The following RYR2 variants were observed in gnomAD, a reference collection of about 807,000 sequenced individuals.
RYR2 encodes cardiac muscle ryanodine receptor-calcium release channel.
RYR2 carries 227 observed loss-of-function variants against 601.1 expected under a neutral mutation model. The observed-to-expected ratio is 0.38, with a 90% confidence interval of 0.34 to 0.42. The LOEUF is 0.42. Among genes scored for constraint, RYR2 ranks in the 10% least tolerant of loss-of-function variants. RYR2 has a pLI of 1.00. For synonymous variants in RYR2, 2,223 were observed against 2,175.1 expected, an observed-to-expected ratio of 1.02 and a Z score of -0.61; for missense variants, 4,646 against 6,156.5, an observed-to-expected ratio of 0.75 and a Z score of 8.21.
intron 63 of RYR2, among the ~76,000 whole-genome samples, chr1:237,696,540 CT>C (rs55771611): frequency 5.6e-4 from 77 of 138,680 alleles, no homozygotes; most frequent in Middle Eastern, 3.8e-3. Flanking sequence ...GCACTGCAGA[CT>C]TTTTTTTTTT....
At chr1:237,744,884 C>T (rs1691942618) in intron 80 of RYR2, among the ~76,000 whole-genome samples, 1 of 151,068 alleles carries the variant, frequency 6.6e-6, no homozygotes. Context: ...GCAATCTCCA[C>T]CTCCTGGGTT....
chr1:237,734,509 G>A (rs532355372), intron 79 of RYR2, among the ~76,000 whole-genome samples: 19 of 152,318 alleles, frequency 1.2e-4, no homozygotes, highest in Admixed American at 1.1e-3. Flanking sequence ...ACTCTTAGGA[G>A]TATTGGGAAC....
chr1:237,734,263 G>A (rs986481660), intron 79 of RYR2, among the ~76,000 whole-genome samples: 15 of 152,152 alleles, frequency 9.9e-5, no homozygotes, highest in South Asian at 4.1e-4. Flanking sequence ...GGAAGGCAAA[G>A]GGGAAGTAAG....
intron 35 of RYR2, among the ~76,000 whole-genome samples, chr1:237,604,608 CT>C (rs1399311198): frequency 6.6e-6 from 1 of 152,016 alleles, no homozygotes; most frequent in Non-Finnish European, 1.5e-5. Flanking sequence ...ACAAAAAACC[CT>C]TCAAAAAATC....
chr1:237,530,890 A>C (rs1226953650), intron 25 of RYR2, among the ~76,000 whole-genome samples: 1 of 150,084 alleles, frequency 6.7e-6, no homozygotes, highest in Non-Finnish European at 1.5e-5. Context: ...AGCCTGGGCA[A>C]CAGAGTGAGA....
chr1:237,196,284 A>G (rs976608589), intron 1 of RYR2, among the ~76,000 whole-genome samples: 1 of 152,184 alleles, frequency 6.6e-6, no homozygotes, highest in African/African-American at 2.4e-5. Flanking sequence ...ATGGAAACAT[A>G]CTTGTCTGGC....
intron 10 of RYR2, among the ~76,000 whole-genome samples, chr1:237,402,927 C>A (rs892810492): frequency 4.2e-5 from 6 of 142,556 alleles, no homozygotes; most frequent in African/African-American, 1.3e-4. Context: ...TCCTTCCCCC[C>A]AAAAAAGATT....
intron 66 of RYR2, among the ~76,000 whole-genome samples, chr1:237,702,371 A>G (rs1406452890): frequency 6.6e-6 from 1 of 152,188 alleles, no homozygotes; most frequent in Non-Finnish European, 1.5e-5. Context: ...CAGAAATTCA[A>G]AGTAAACATG....
intron 80 of RYR2, among the ~76,000 whole-genome samples, chr1:237,753,864 A>C (rs1015059120): frequency 6.6e-6 from 1 of 152,156 alleles, no homozygotes; most frequent in African/African-American, 2.4e-5. Flanking sequence ...CAGTTTAAAA[A>C]ATTGTTTTTA....
intron 2 of RYR2, among the ~76,000 whole-genome samples, chr1:237,304,627 G>C (rs1013251851): frequency 1.3e-5 from 2 of 152,162 alleles, no homozygotes; most frequent in Admixed American, 1.3e-4. Context: ...GTTTTCAAAA[G>C]AAAGGTGGTG....
At chr1:237,177,151 T>G (rs552831034) in intron 1 of RYR2, among the ~76,000 whole-genome samples, 12 of 152,216 alleles carry the variant, frequency 7.9e-5, no homozygotes, top group Non-Finnish European at 7.3e-5. Flanking sequence ...GCTCTCTTGC[T>G]GGCAAAAATC....
At chr1:237,123,650 ATTTTTTTTTTTTT>A (rs869177997) in intron 1 of RYR2, among the ~76,000 whole-genome samples, 12 of 78,964 alleles carry the variant, frequency 1.5e-4, no homozygotes, top group Non-Finnish European at 2.5e-4. Context: ...ATCAGTCACT[ATTTTTTTTTTTTT>A]TTTTTTTTTT....
chr1:237,175,964 G>A (rs1256615753), intron 1 of RYR2, among the ~76,000 whole-genome samples: 3 of 152,130 alleles, frequency 2.0e-5, no homozygotes, highest in Non-Finnish European at 2.9e-5. Flanking sequence ...AGGCGCGGTG[G>A]CTCATGCCTG....
intron 1 of RYR2, among the ~76,000 whole-genome samples, chr1:237,252,478 C>T (rs868488694): frequency 3.3e-5 from 5 of 152,078 alleles, no homozygotes; most frequent in Non-Finnish European, 4.4e-5. Context: ...GCTTTTATCA[C>T]GAGCTGACAT....
intron 1 of RYR2, among the ~76,000 whole-genome samples, chr1:237,254,543 A>T (rs1245941299): frequency 1.3e-5 from 2 of 152,220 alleles, no homozygotes; most frequent in African/African-American, 4.8e-5. Context: ...GGTTTGTACA[A>T]TCTGAGTCTG....
chr1:237,610,657 T>C lies in RYR2; in HGVS notation c.4684-105T>C. The C allele has an allele frequency of 1.1e-6, 1 of 919,572 alleles. No homozygotes were observed. The highest frequency in any genetic ancestry group is 1.6e-6 in the Non-Finnish European group (1 of 610,116). The allele number at this position is 919,572 out of a possible 1,614,324, so 57.0% of individuals were successfully genotyped here. On this transcript the variant is annotated intron_variant, in intron 35 of 104. Transcript: ENST00000366574. The surrounding 1 kb of genome is among the most constrained non-coding windows in gnomAD (Gnocchi z 4.9). ...GTTGACTTTGCTTGACTCATAGGGT[T>C]ATCTTACTTTCCCTGTCTCTGTCCT...
At position 237,832,831 on chromosome 1, in the gene RYR2, A is replaced by G; in HGVS notation, c.*184A>G. ...CCCCCCACCTTTTGTATTTACTTTG[A>G]GACTAAAGACTGAAGAATAATCTAA... On this transcript the variant is annotated 3_prime_UTR_variant, in exon 105 of 105. Transcript: ENST00000366574. 1 of 504,884 alleles carries G rather than the reference A, an allele frequency of 2.0e-6. No individual in the cohort carries two copies. The highest frequency in any genetic ancestry group is 3.5e-6 in the Non-Finnish European group (1 of 282,580). The allele number at this position is 504,884 out of a possible 1,614,324, so 31.3% of individuals were successfully genotyped here. A position where few individuals can be genotyped will look rare whatever the true frequency, so the allele number is the denominator to read the frequency against.
chr1:237,329,741 T>G lies in RYR2; in HGVS notation c.169-1137T>G, dbSNP rs578126172. Among the ~76,000 whole-genome samples, 5 of 152,304 alleles carry G rather than the reference T, an allele frequency of 3.3e-5. No individual in the cohort carries two copies. The South Asian group carries it at 1.0e-3, about 32-fold the overall frequency. The stretch of plus-strand genomic sequence containing the variant: ...ATATTGTGTAGTGGTAAGTCTGGGC[T>G]TCTAGTGCACCCATCACCTGAATCG... On this transcript the variant is annotated intron_variant, in intron 2 of 104. Transcript: ENST00000366574.
chr1:237,233,189 A>T (rs1285699216), intron 1 of RYR2, among the ~76,000 whole-genome samples: 1 of 152,202 alleles, frequency 6.6e-6, no homozygotes, highest in Non-Finnish European at 1.5e-5. Flanking sequence ...ACCCTGAGAT[A>T]ATTCCTATGT....
Sources: allele counts gnomAD v4.1 joint callset (sites outside exome capture counted in the v4.1 genomes callset), GRCh38; gene constraint gnomAD v4.1.1; non-coding constraint Gnocchi (gnomAD v3.1); transcripts MANE v1.5; gene names NCBI Gene and HGNC (gene_info 2026-07-23, HGNC 2026-07-21).